Variants in ADAMTS9 observed in about 807,000 individuals in gnomAD.
ADAMTS9 encodes the protein ADAM metallopeptidase with thrombospondin type 1 motif 9.
A neutral mutation model predicts 257.1 loss-of-function variants in ADAMTS9; 107 were observed. That is an observed-to-expected ratio of 0.42 (90% CI 0.36 to 0.49). The LOEUF (loss-of-function observed/expected upper bound fraction) is 0.49. Among genes scored for constraint, ADAMTS9 ranks in the 20% least tolerant of loss-of-function variants. The pLI, the probability that ADAMTS9 is intolerant of heterozygous loss-of-function variation, is 0.03. For synonymous variants in ADAMTS9, 982 were observed against 880.9 expected, an observed-to-expected ratio of 1.11 and a Z score of -2.03; for missense variants, 2,353 against 2,469.1, an observed-to-expected ratio of 0.95 and a Z score of 1.00.
At chr3:64,624,832 C>A (rs777705229) in intron 16 of ADAMTS9, among the ~76,000 whole-genome samples, 8 of 152,066 alleles carry the variant, frequency 5.3e-5, no homozygotes, top group Non-Finnish European at 1.2e-4. Context: ...AAGATAAAAT[C>A]TCAATCACAT....
At chr3:64,557,791 G>T (rs2083359607) in intron 30 of ADAMTS9, among the ~76,000 whole-genome samples, 1 of 152,182 alleles carries the variant, frequency 6.6e-6, no homozygotes, top group Non-Finnish European at 1.5e-5. Context: ...GCCACACACT[G>T]AACAGAATTT....
intron 6 of ADAMTS9, among the ~76,000 whole-genome samples, chr3:64,655,070 T>C (rs1701027910): frequency 6.6e-6 from 1 of 152,218 alleles, no homozygotes. Flanking sequence ...CATTTTGAGA[T>C]AGTAGCTACC....
At chr3:64,636,118 G>C (rs772384098) in intron 12 of ADAMTS9, among the ~76,000 whole-genome samples, 1 of 151,896 alleles carries the variant, frequency 6.6e-6, no homozygotes, top group African/African-American at 2.4e-5. Context: ...ACACGTCTTA[G>C]CTGATTCTTG....
Position 64,546,744 on chromosome 3 carries a change from A to G in ADAMTS9, c.5064+14T>C. On this transcript the variant is annotated intron_variant, in intron 32 of 39. Transcript: ENST00000498707. ...CAAGGGCTTTCAGATTTGAGTGCTCAGTCTTCTACTTACGCTCCCCCAGTT... is the reference window on the plus strand; with the variant it reads ...CAAGGGCTTTCAGATTTGAGTGCTCGGTCTTCTACTTACGCTCCCCCAGTT... The G allele has an allele frequency of 3.8e-6, 6 of 1,574,556 alleles. No individual in the cohort carries two copies. Among genetic ancestry groups the G allele is most frequent in the Non-Finnish European group, 4.3e-6 (5 of 1,161,696 alleles).
chr3:64,632,333 A>T (rs916283749), intron 14 of ADAMTS9, among the ~76,000 whole-genome samples: 2 of 152,220 alleles, frequency 1.3e-5, no homozygotes, highest in African/African-American at 4.8e-5. Context: ...TAAAGAGCTC[A>T]TGCCCCATCT....
intron 27 of ADAMTS9, among the ~76,000 whole-genome samples, chr3:64,595,777 C>A (rs1482170423): frequency 6.8e-6 from 1 of 147,188 alleles, no homozygotes; most frequent in African/African-American, 2.6e-5. Context: ...CTAACATGCC[C>A]ATCAATCTCA....
chr3:64,648,423 T>C (rs911560255), intron 10 of ADAMTS9, among the ~76,000 whole-genome samples: 64 of 152,198 alleles, frequency 4.2e-4, no homozygotes, highest in African/African-American at 1.5e-3. Context: ...TCTCCAGTAA[T>C]AGACAGCATT....
At chr3:64,595,061 G>A (rs777789002) in intron 27 of ADAMTS9, among the ~76,000 whole-genome samples, 1 of 138,550 alleles carries the variant, frequency 7.2e-6, no homozygotes, top group Non-Finnish European at 1.5e-5. Context: ...AAGATTCTTT[G>A]AGAAATACCA....
intron 20 of ADAMTS9, 51 bp from the exon 21 acceptor site, chr3:64,615,536 T>C: frequency 6.5e-7 from 1 of 1,539,680 alleles, no homozygotes; most frequent in South Asian, 1.3e-5. Flanking sequence ...TCTTATAAAG[T>C]ATGCTGAAGA....
chr3:64,624,881 C>G (rs1700190752), intron 16 of ADAMTS9, among the ~76,000 whole-genome samples: 2 of 152,058 alleles, frequency 1.3e-5, no homozygotes, highest in African/African-American at 4.8e-5. Context: ...TTTGATTGTG[C>G]TGCTTTTTTC....
chr3:64,531,071 C>G (rs2082974909), intron 38 of ADAMTS9, among the ~76,000 whole-genome samples: 1 of 152,164 alleles, frequency 6.6e-6, no homozygotes, highest in Non-Finnish European at 1.5e-5. Context: ...TATTTAATGA[C>G]TAATTTACAA....
At chr3:64,625,203 G>A (rs1009173766) in intron 16 of ADAMTS9, among the ~76,000 whole-genome samples, 1 of 152,146 alleles carries the variant, frequency 6.6e-6, no homozygotes, top group Non-Finnish European at 1.5e-5. Flanking sequence ...CATGCTGAAC[G>A]TGATTCACCA....
intron 15 of ADAMTS9, 123 bp from the exon 16 acceptor site, chr3:64,631,673 C>G (rs779082149): frequency 9.4e-6 from 11 of 1,170,112 alleles, no homozygotes; most frequent in Non-Finnish European, 1.4e-5. Context: ...TAGGTGCCTT[C>G]TAGTCGATGG....
At chr3:64,637,971 G>A (rs1438253598) in intron 12 of ADAMTS9, among the ~76,000 whole-genome samples, 2 of 152,192 alleles carry the variant, frequency 1.3e-5, no homozygotes, top group African/African-American at 2.4e-5. Context: ...AAGCCTTGCT[G>A]TAATTCCTTA....
intron 23 of ADAMTS9, among the ~76,000 whole-genome samples, chr3:64,606,259 T>C (rs1024460811): frequency 6.6e-6 from 1 of 152,236 alleles, no homozygotes; most frequent in African/African-American, 2.4e-5. Context: ...TCCATTACTT[T>C]CTTAAGTCTA....
intron 23 of ADAMTS9, among the ~76,000 whole-genome samples, chr3:64,606,488 GCTTTT>G (rs1362780326): frequency 1.3e-5 from 2 of 152,136 alleles, no homozygotes; most frequent in East Asian, 3.9e-4. Flanking sequence ...TATAAACTTT[GCTTTT>G]AATACCCTAC....
At chr3:64,598,133 G>T (rs942495303) in intron 26 of ADAMTS9, among the ~76,000 whole-genome samples, 1 of 151,792 alleles carries the variant, frequency 6.6e-6, no homozygotes. Context: ...CAAATTATAA[G>T]TGTTTTTAAA....
At chr3:64,559,144 A>G (rs543908406) in intron 30 of ADAMTS9, among the ~76,000 whole-genome samples, 2 of 152,298 alleles carry the variant, frequency 1.3e-5, no homozygotes, top group South Asian at 4.2e-4. Flanking sequence ...CCCCAGGCAA[A>G]CAGGAGGCGT....
intron 28 of ADAMTS9, among the ~76,000 whole-genome samples, chr3:64,576,824 G>A (rs1010881330): frequency 2.0e-5 from 3 of 152,140 alleles, no homozygotes; most frequent in East Asian, 3.9e-4. Flanking sequence ...GAGCACAGTC[G>A]AAGGCTGCTG....
Sources: gnomAD v4.1 joint callset for allele counts (sites outside exome capture counted in the v4.1 genomes callset) on GRCh38, gnomAD v4.1.1 for gene constraint, MANE v1.5 for transcripts, NCBI Gene and HGNC (gene_info 2026-07-23, HGNC 2026-07-21) for gene names.